BRINP2: variants seen among roughly 807,000 people sequenced by gnomAD.
BRINP2 encodes the protein BMP/retinoic acid inducible neural specific 2.
Under a neutral mutation model 69.2 loss-of-function variants are expected in BRINP2, and 21 were observed. The ratio of observed to expected loss-of-function variants is 0.30; its 90% CI spans 0.22 to 0.44. The LOEUF is 0.44. Among genes scored for constraint, BRINP2 ranks in the 20% least tolerant of loss-of-function variants. The probability of loss-of-function intolerance (pLI) is 1.00; values close to 1 mark genes in which losing one functional copy is unlikely to be tolerated. For missense variants in BRINP2, 877 were observed against 986.0 expected, an observed-to-expected ratio of 0.89 and a Z score of 1.48; for synonymous variants, 380 against 394.1, an observed-to-expected ratio of 0.96 and a Z score of 0.42.
chr1:177,247,060 T>C (rs1193550343), intron 2 of BRINP2, among the ~76,000 whole-genome samples: 3 of 152,202 alleles, frequency 2.0e-5, no homozygotes, highest in East Asian at 1.9e-4. Flanking sequence ...TTGGCTATTC[T>C]TGTTCATGTG....
intron 4 of BRINP2, among the ~76,000 whole-genome samples, chr1:177,261,492 C>T (rs1031413879): frequency 6.6e-6 from 1 of 152,144 alleles, no homozygotes; most frequent in Non-Finnish European, 1.5e-5. Context: ...ATTCCATTTA[C>T]TGAGAAGGAC....
chr1:177,197,041 G>T (rs184986714), intron 1 of BRINP2, among the ~76,000 whole-genome samples: 29 of 152,102 alleles, frequency 1.9e-4, no homozygotes, highest in African/African-American at 5.6e-4. Flanking sequence ...AGGTGAGAAG[G>T]TTGGGCCCCG....
intron 2 of BRINP2, among the ~76,000 whole-genome samples, chr1:177,246,078 A>C (rs539560535): frequency 1.3e-5 from 2 of 152,274 alleles, no homozygotes; most frequent in East Asian, 3.9e-4. Context: ...AAAGATGGAG[A>C]GCACCAGGAC....
At chr1:177,270,849 T>G (rs748273888) in intron 4 of BRINP2, among the ~76,000 whole-genome samples, 5 of 152,160 alleles carry the variant, frequency 3.3e-5, no homozygotes, top group Non-Finnish European at 7.4e-5. Context: ...CTGGGACAGT[T>G]ATTGGCCATG....
At chr1:177,262,165 G>T (rs1650974547) in intron 4 of BRINP2, among the ~76,000 whole-genome samples, 1 of 152,162 alleles carries the variant, frequency 6.6e-6, no homozygotes, top group Admixed American at 6.5e-5. Flanking sequence ...TCATGGGAGG[G>T]TGTGTTTTTG....
At chr1:177,176,749 C>T (rs1351754309) in intron 1 of BRINP2, among the ~76,000 whole-genome samples, 1 of 146,732 alleles carries the variant, frequency 6.8e-6, no homozygotes, top group Non-Finnish European at 1.5e-5. Context: ...ATAGCATACA[C>T]CAACCTATAT....
chr1:177,262,290 G>T (rs544290175), intron 4 of BRINP2, among the ~76,000 whole-genome samples: 1 of 152,192 alleles, frequency 6.6e-6, no homozygotes, highest in Admixed American at 6.5e-5. Context: ...AAGGCGGGTG[G>T]ATCACAAGGT....
At chr1:177,220,363 T>C (rs1218551525) in intron 1 of BRINP2, among the ~76,000 whole-genome samples, 1 of 152,044 alleles carries the variant, frequency 6.6e-6, no homozygotes, top group Non-Finnish European at 1.5e-5. Context: ...ATGGCTTGGG[T>C]CATTCCTTTG....
intron 4 of BRINP2, among the ~76,000 whole-genome samples, chr1:177,272,299 C>T (rs534864447): frequency 3.6e-4 from 55 of 152,192 alleles, no homozygotes; most frequent in Non-Finnish European, 7.1e-4. Context: ...GTGTATGCAC[C>T]TACCTGCCCC....
intron 1 of BRINP2, among the ~76,000 whole-genome samples, chr1:177,218,786 T>A (rs1230274558): frequency 6.6e-6 from 1 of 152,106 alleles, no homozygotes; most frequent in Non-Finnish European, 1.5e-5. Context: ...CCATGTGGAG[T>A]TTGATTCAGT....
At position 177,280,781 on chromosome 1, in the gene BRINP2, C is replaced by A. The variant is rs1250397109; in HGVS notation, c.1605C>A (p.Asp535Glu). ...IEVHSIFISN[D>E]MRLGSWFDPS... ...TACACTCCATCTTCATCAGCAATGA[C>A]ATGCGGCTGGGCAGCTGGTTTGACC... Residue 535 changes from aspartate (D) to glutamate (E), a missense_variant, in exon 8 of 8, where the codon GAC (aspartate) becomes GAA (glutamate). By Grantham distance (45) the Asp-to-Glu change is conservative. Coordinates refer to ENST00000361539, the MANE Select transcript of BRINP2 (RefSeq NM_021165.4). The A allele has an allele frequency of 6.2e-7, 1 of 1,614,050 alleles. No homozygotes were observed. Among genetic ancestry groups the A allele is most frequent in the Non-Finnish European group, 8.5e-7 (1 of 1,180,020 alleles).
chr1:177,240,995 G>T (rs1314940045), intron 2 of BRINP2, among the ~76,000 whole-genome samples: 1 of 149,820 alleles, frequency 6.7e-6, no homozygotes, highest in Non-Finnish European at 1.5e-5. Flanking sequence ...TTTTTGAGAT[G>T]GAGTCTCGCT....
Position 177,282,083 on chromosome 1 carries a change from CAAGAAGTACA to C in BRINP2, c.*557_*566del, listed in dbSNP as rs1651723783. 1.3e-5 allele frequency: 2 copies of C among 152,984 alleles called. No homozygotes were observed. Among genetic ancestry groups the C allele is most frequent in the Admixed American group, 1.3e-4 (2 of 15,302 alleles). The allele number at this position is 152,984 out of a possible 1,614,324, so 9.5% of individuals were successfully genotyped here. ...CCTCCCAGACGCTGACTGGGAAACA[CAAGAAGTACA>C]ACCAACAGGAACCAGCGCCAAGGGC... is the stretch of plus-strand genomic sequence containing the variant. On this transcript the variant is annotated 3_prime_UTR_variant, in exon 8 of 8. Transcript: ENST00000361539.
chr1:177,182,103 C>T (rs981158212), intron 1 of BRINP2, among the ~76,000 whole-genome samples: 10 of 150,430 alleles, frequency 6.6e-5, no homozygotes, highest in Non-Finnish European at 1.2e-4. Flanking sequence ...AGTCCTGGTG[C>T]CGTCCCTCCC....
chr1:177,175,762 T>A (rs528893689), intron 1 of BRINP2, among the ~76,000 whole-genome samples: 1 of 152,314 alleles, frequency 6.6e-6, no homozygotes, highest in East Asian at 1.9e-4. Context: ...GACATTACTT[T>A]CCCTTGAAAA....
intron 2 of BRINP2, among the ~76,000 whole-genome samples, chr1:177,232,243 T>C (rs1315524628): frequency 6.6e-6 from 1 of 152,200 alleles, no homozygotes; most frequent in Admixed American, 6.5e-5. Context: ...AGGAGAGTTT[T>C]CTTCCGGACA....
chr1:177,244,701 G>A (rs756206319), intron 2 of BRINP2, among the ~76,000 whole-genome samples: 1 of 152,182 alleles, frequency 6.6e-6, no homozygotes, highest in Non-Finnish European at 1.5e-5. Context: ...GGTTAGCTTT[G>A]CATCACGCTG....
chr1:177,178,979 T>G (rs1648169312), intron 1 of BRINP2, among the ~76,000 whole-genome samples: 2 of 152,182 alleles, frequency 1.3e-5, no homozygotes, highest in Non-Finnish European at 1.5e-5. Flanking sequence ...ACAAATAAAC[T>G]CATTTGATCC....
At chr1:177,261,221 G>T (rs1209362748) in intron 4 of BRINP2, among the ~76,000 whole-genome samples, 1 of 151,912 alleles carries the variant, frequency 6.6e-6, no homozygotes, top group East Asian at 1.9e-4. Flanking sequence ...TATAGAGGTT[G>T]CAGGGGCCAT....
Sources: allele counts gnomAD v4.1 joint callset (sites outside exome capture counted in the v4.1 genomes callset), GRCh38; gene constraint gnomAD v4.1.1; transcripts MANE v1.5; gene names NCBI Gene and HGNC (gene_info 2026-07-23, HGNC 2026-07-21).